The following MYOM3 variants were observed in gnomAD, a reference collection of about 807,000 sequenced individuals.
MYOM3 encodes myomesin 3.
Under a neutral mutation model 191.7 loss-of-function variants are expected in MYOM3, and 155 were observed. The observed-to-expected ratio is 0.81, with a 90% CI of 0.71 to 0.92. The LOEUF is 0.92. MYOM3 is among the 40% of genes least tolerant of loss of function. The probability of loss-of-function intolerance (pLI) is 0.00; values close to 1 mark genes in which losing one functional copy is unlikely to be tolerated. For synonymous variants in MYOM3, 757 were observed against 762.9 expected (o/e 0.99, Z 0.13); for missense variants, 1,889 against 1,890.6 (o/e 1.00, Z 0.02).
At position 24,066,852 on chromosome 1, in the gene MYOM3, C is replaced by T. The variant is rs929509091; in HGVS notation, c.3423+169G>A. Reference sequence around the variant, plus strand: ...CATGGGCGCTGGGAAGGTGGGTTTGCTTTTTGGGTTACGTGTGGTCTCCTC... The same window carrying T: ...CATGGGCGCTGGGAAGGTGGGTTTGTTTTTTGGGTTACGTGTGGTCTCCTC... On this transcript the variant is annotated intron_variant, in intron 28 of 36. Transcript: ENST00000374434. The T allele has an allele frequency of 3.5e-5, 21 of 602,074 alleles. No individual in the cohort carries two copies. The African/African-American group carries it at 4.0e-4, about 11-fold the overall frequency. 37.3% of individuals were successfully genotyped at this position (602,074 alleles called of 1,614,324 possible).
chr1:24,092,379 C>G, intron 10 of MYOM3, 64 bp from the exon 11 acceptor site: 4 of 1,301,210 alleles, frequency 3.1e-6, no homozygotes, highest in Non-Finnish European at 4.0e-6. Flanking sequence ...AGGCCCTTCC[C>G]ACTCCCGCCC....
chr1:24,076,238 G>C lies in MYOM3; in HGVS notation c.2622C>G (p.Phe874Leu), dbSNP rs758813996. 1.9e-6 allele frequency: 3 copies of C among 1,614,044 alleles called. No homozygotes were observed. The highest frequency in any genetic ancestry group is 1.7e-6 in the Non-Finnish European group (2 of 1,180,020). The change falls in exon 21 of 37, where the codon TTC (phenylalanine) becomes TTG (leucine). Residue 874 changes from phenylalanine (F) to leucine (L), a missense_variant. Coordinates refer to ENST00000374434, the MANE Select transcript of MYOM3 (RefSeq NM_152372.4). ...CAGCTGAATTCATGGCCTGTACCTGGAACACGTAACTCTTTCCTGGCTGCA... is the reference window on the plus strand; with the variant it reads ...CAGCTGAATTCATGGCCTGTACCTGCAACACGTAACTCTTTCCTGGCTGCA... The part of the protein sequence containing the change: ...SDLQPGKSYV[F>L]QVQAMNSAGL...
chr1:24,072,164 G>A, intron 23 of MYOM3, 151 bp from the exon 24 acceptor site: 10 of 736,450 alleles, frequency 1.4e-5, no homozygotes, highest in South Asian at 4.7e-5. Context: ...GCTCCATAGG[G>A]GCCATGATGA....
chr1:24,108,180 G>A (rs1263280878), intron 2 of MYOM3, 107 bp from the exon 3 acceptor site: 1 of 1,067,296 alleles, frequency 9.4e-7, no homozygotes, highest in East Asian at 2.6e-5. Context: ...CAGCAGGCAG[G>A]GCTGTGCCTC....
At chr1:24,074,068 T>A (rs757456247) in intron 23 of MYOM3, 92 bp downstream of exon 23, 35 of 918,538 alleles carry the variant, frequency 3.8e-5, no homozygotes, top group Non-Finnish European at 5.9e-5. Context: ...GCCACTTTAC[T>A]CATTTTGGTT....
chr1:24,097,733 G>A (rs1643886026), intron 7 of MYOM3, among the ~76,000 whole-genome samples, 190 bp downstream of exon 7: 1 of 152,230 alleles, frequency 6.6e-6, no homozygotes, highest in African/African-American at 2.4e-5. Context: ...GGCTGATGGA[G>A]GAGACTATCG....
At position 24,057,314 on chromosome 1, in the gene MYOM3, C is replaced by T. The variant is rs1643313541; in HGVS notation, c.*50G>A. The T allele has an allele frequency of 1.3e-6, 2 of 1,570,822 alleles. No individual in the cohort carries two copies. Among genetic ancestry groups the T allele is most frequent in the South Asian group, 1.2e-5 (1 of 84,988 alleles). On this transcript the variant is annotated 3_prime_UTR_variant, in exon 37 of 37. Coordinates refer to ENST00000374434, the MANE Select transcript of MYOM3 (RefSeq NM_152372.4). ...AGGCTGTGACCCTGGTACAGGTTGT[C>T]CCTACTGGTCCATGTAGACTAGACT...
At chr1:24,066,314 G>T (rs1406036659) in intron 28 of MYOM3, 3 of 685,956 alleles carry the variant, frequency 4.4e-6, no homozygotes, top group South Asian at 3.2e-5. Context: ...TCCGGGTCAA[G>T]CATGAGGGAT....
At chr1:24,099,106 G>A (rs1643894036) in intron 6 of MYOM3, among the ~76,000 whole-genome samples, 1 of 152,140 alleles carries the variant, frequency 6.6e-6, no homozygotes, top group African/African-American at 2.4e-5. Flanking sequence ...GGGGAGGACT[G>A]CACTCTTATA....
At chr1:24,105,793 A>G (rs907752415) in intron 5 of MYOM3, 127 bp downstream of exon 5, 19 of 975,636 alleles carry the variant, frequency 1.9e-5, no homozygotes, top group Admixed American at 1.8e-4. Context: ...CAGCTGCTCT[A>G]TTCGGTGGGT....
intron 8 of MYOM3, 139 bp from the exon 9 acceptor site, chr1:24,095,129 A>T (rs1643871240): frequency 3.3e-6 from 3 of 908,884 alleles, no homozygotes; most frequent in Non-Finnish European, 5.0e-6. Flanking sequence ...TTGGGGTAGG[A>T]GGGGAAGAGA....
rs1223564986 is a variant in MYOM3 at position 24,063,899 on chromosome 1, G to A, written c.3622+173C>T. ...TGAACGAGGGCATCGGAGTCACACC[G>A]ACCTGGCTCCTGCCACTGACTAGAT... is the stretch of plus-strand genomic sequence containing the variant. On this transcript the variant is annotated intron_variant, in intron 30 of 36. Coordinates refer to ENST00000374434, the MANE Select transcript of MYOM3 (RefSeq NM_152372.4). The surrounding 1 kb of genome is among the most constrained non-coding windows in gnomAD (Gnocchi z 4.5). 3.2e-6 allele frequency: 2 copies of A among 617,520 alleles called. No individual in the cohort carries two copies. Among genetic ancestry groups the A allele is most frequent in the Non-Finnish European group, 5.7e-6 (2 of 351,434 alleles). 38.3% of individuals were successfully genotyped at this position (617,520 alleles called of 1,614,324 possible). A position where few individuals can be genotyped will look rare whatever the true frequency, so the allele number is the denominator to read the frequency against.
chr1:24,093,213 A>G, intron 9 of MYOM3, 105 bp from the exon 10 acceptor site: 6 of 695,008 alleles, frequency 8.6e-6, no homozygotes, highest in South Asian at 3.5e-5. Context: ...GCAGAGAGAG[A>G]GGCTGGTGAG....
At chr1:24,076,325 A>C in intron 20 of MYOM3, 52 bp from the exon 21 acceptor site, 1 of 1,377,642 alleles carries the variant, frequency 7.3e-7, no homozygotes, top group Non-Finnish European at 1.0e-6. Flanking sequence ...ACTCTTCCTG[A>C]AACCTGGGCC....
intron 5 of MYOM3, among the ~76,000 whole-genome samples, chr1:24,100,864 G>A (rs1570885735): frequency 6.7e-6 from 1 of 150,052 alleles, no homozygotes; most frequent in African/African-American, 2.5e-5. Context: ...TCCAGCCTGG[G>A]CAACAGAGCG....
intron 1 of MYOM3, among the ~76,000 whole-genome samples, chr1:24,109,635 C>T (rs1244782211): frequency 6.6e-6 from 1 of 152,186 alleles, no homozygotes; most frequent in East Asian, 1.9e-4. Flanking sequence ...GTTCCATGCC[C>T]ATGTTAGTTT....
chr1:24,056,987 G>T lies in MYOM3; in HGVS notation c.*377C>A. 1 of 208,330 alleles carries T rather than the reference G, an allele frequency of 4.8e-6. No individual in the cohort carries two copies. The highest frequency in any genetic ancestry group is 9.6e-6 in the Non-Finnish European group (1 of 104,236). The allele number at this position is 208,330 out of a possible 1,614,324, so 12.9% of individuals were successfully genotyped here. ...AGAGGGGTGCGATGTATCAGTTTAT[G>T]GCAGGGCTCATGGCCCTTGGCACTT... On this transcript the variant is annotated 3_prime_UTR_variant, in exon 37 of 37. Coordinates refer to ENST00000374434, the MANE Select transcript of MYOM3 (RefSeq NM_152372.4).
chr1:24,061,972 T>G lies in MYOM3; in HGVS notation c.3908A>C (p.Gln1303Pro). The G allele has an allele frequency of 1.2e-6, 2 of 1,614,234 alleles. No individual in the cohort carries two copies. The highest frequency in any genetic ancestry group is 2.2e-5 in the South Asian group (2 of 91,088). The change falls in exon 33 of 37, where the codon CAG becomes CCG. Residue 1303 changes from glutamine (Q) to proline (P), a missense_variant. Transcript: ENST00000374434. Reference sequence around the variant, plus strand: ...TTGCCCTGAGAGATCTGTTGAGAGCTGCCGGACTTCCTTCCCTGCAGCTAT... The same window carrying G: ...TTGCCCTGAGAGATCTGTTGAGAGCGGCCGGACTTCCTTCCCTGCAGCTAT... ...LEIAAGKEVR[Q>P]LSTDLSGQAF...
At chr1:24,059,893 T>C (rs982366564) in intron 35 of MYOM3, among the ~76,000 whole-genome samples, 1 of 152,094 alleles carries the variant, frequency 6.6e-6, no homozygotes, top group East Asian at 1.9e-4. Flanking sequence ...AAGATCCCGA[T>C]GCGGATGGTG....
Sources: gnomAD v4.1 joint callset for allele counts (sites outside exome capture counted in the v4.1 genomes callset) on GRCh38, gnomAD v4.1.1 for gene constraint, Gnocchi (gnomAD v3.1) non-coding constraint, MANE v1.5 for transcripts, NCBI Gene and HGNC (gene_info 2026-07-23, HGNC 2026-07-21) for gene names.